Variants in ZFX observed in about 807,000 individuals in gnomAD.
ZFX encodes zinc finger protein X-linked.
For synonymous variants in ZFX, 196 were observed against 226.8 expected, an observed-to-expected ratio of 0.86 and a Z score of 1.22; for missense variants, 362 against 628.3, an observed-to-expected ratio of 0.58 and a Z score of 4.53.
At chrX:24,197,291 T>G (rs930164180) in intron 5 of ZFX, among the ~76,000 whole-genome samples, 2 of 111,350 alleles carry the variant, frequency 1.8e-5, no homozygotes, top group Non-Finnish European at 3.8e-5. Flanking sequence ...GCAACACAGA[T>G]CCCATCTCTA....
chrX:24,192,784 G>T (rs1456896652), intron 5 of ZFX, among the ~76,000 whole-genome samples: 1 of 109,377 alleles, frequency 9.1e-6, no homozygotes, highest in African/African-American at 3.3e-5. Context: ...GGTGGCACAT[G>T]CCTAGGAGGC....
intron 5 of ZFX, among the ~76,000 whole-genome samples, chrX:24,204,227 C>T (rs1195983568): frequency 1.8e-5 from 2 of 112,300 alleles, no homozygotes; most frequent in Non-Finnish European, 3.8e-5. Context: ...CATTTTCAAG[C>T]TTTTCTTTGC....
chrX:24,206,535 G>A (rs1349263424), intron 5 of ZFX, among the ~76,000 whole-genome samples: 5 of 94,372 alleles, frequency 5.3e-5, no homozygotes, highest in African/African-American at 1.9e-4. Context: ...GTGTGTGTGT[G>A]TGTGTGTGTG....
intron 5 of ZFX, among the ~76,000 whole-genome samples, chrX:24,203,897 T>C (rs1234569801): frequency 8.9e-6 from 1 of 112,415 alleles, no homozygotes. Context: ...TTATTAAAGA[T>C]TGCATTAGAG....
chrX:24,199,640 G>A (rs1031450609), intron 5 of ZFX, among the ~76,000 whole-genome samples: 7 of 111,223 alleles, frequency 6.3e-5, no homozygotes, highest in East Asian at 5.7e-4. Context: ...TTGCTTAGCC[G>A]GGCACGGTGG....
chrX:24,187,931 T>C (rs2704826), intron 5 of ZFX, among the ~76,000 whole-genome samples: 2,188 of 111,468 alleles, frequency 0.02, 24 homozygotes, highest in South Asian at 0.066. Context: ...CCCAGCACTT[T>C]GGGAGGCCGA....
chrX:24,189,506 G>A (rs1936393714), intron 5 of ZFX, among the ~76,000 whole-genome samples: 1 of 111,879 alleles, frequency 8.9e-6, no homozygotes, highest in Non-Finnish European at 1.9e-5. Context: ...GTGGTTCAGG[G>A]AGCGAATAAA....
At position 24,214,921 on chromosome X, in the gene ZFX, A is replaced by T. The variant is rs749388491; in HGVS notation, c.*3545A>T. On this transcript the variant is annotated 3_prime_UTR_variant, in exon 10 of 10. Transcript: ENST00000304543. Reference sequence around the variant, plus strand: ...TTAGAGGACTAGTAGATGCTAACATACTAGGGAATGGTCATTGCCACAGTT... The same window carrying T: ...TTAGAGGACTAGTAGATGCTAACATTCTAGGGAATGGTCATTGCCACAGTT... 3.4e-4 allele frequency: 38 copies of T among 111,765 alleles called. No individual in the cohort carries two copies. The highest frequency in any genetic ancestry group is 6.2e-4 in the Non-Finnish European group (33 of 53,205). The allele number at this position is 111,765 out of a possible 1,213,427, so 9.2% of individuals were successfully genotyped here.
intron 5 of ZFX, among the ~76,000 whole-genome samples, chrX:24,180,457 C>A (rs1468065115): frequency 9.2e-6 from 1 of 108,401 alleles, no homozygotes; most frequent in African/African-American, 3.4e-5. Flanking sequence ...TCTCAGCTCA[C>A]TGTAAACTCT....
rs777109485 is a variant in ZFX, at chrX:24,211,574, A to G, written c.*198A>G. The G allele has an allele frequency of 2.7e-4, 124 of 452,087 alleles. No homozygotes were observed. Among genetic ancestry groups the G allele is most frequent in the Admixed American group, 6.2e-4 (13 of 20,915 alleles). The allele number at this position is 452,087 out of a possible 1,213,427, so 37.3% of individuals were successfully genotyped here. A position where few individuals can be genotyped will look rare whatever the true frequency, so the allele number is the denominator to read the frequency against. ...TTCTGAATTCTATTCAGTTTGTTTA[A>G]TAAATAGGGAAAACTGGCAACATGC... On this transcript the variant is annotated 3_prime_UTR_variant, in exon 10 of 10. Coordinates refer to ENST00000304543, the MANE Select transcript of ZFX (RefSeq NM_003410.4).
At chrX:24,160,357 G>A (rs1336794397) in intron 3 of ZFX, among the ~76,000 whole-genome samples, 2 of 100,067 alleles carry the variant, frequency 2.0e-5, no homozygotes, top group African/African-American at 3.8e-5. Flanking sequence ...GGAGTGCAGT[G>A]GCGCACTCTC....
rs1213136127 is a variant in ZFX, at chrX:24,171,905, G to GGAGAGA, written c.-28-778_-28-773dup. 5.8e-3 allele frequency among the ~76,000 whole-genome samples: 244 copies of GGAGAGA among 41,912 alleles called. 2 individuals are homozygous for GGAGAGA. Among genetic ancestry groups the GGAGAGA allele is most frequent in the South Asian group, 9.9e-3 (3 of 304 alleles). 36.4% of individuals were successfully genotyped at this position (41,912 alleles called of 115,157 possible). A position where few individuals can be genotyped will look rare whatever the true frequency, so the allele number is the denominator to read the frequency against. On this transcript the variant is annotated intron_variant, in intron 3 of 9. Coordinates refer to ENST00000304543, the MANE Select transcript of ZFX (RefSeq NM_003410.4). Reference sequence around the variant, plus strand: ...TCCAGCCACCAGGACAGAGAGAGAAGGAGAGAGAGAGAGAGAGAGAGAGAG... The same window carrying GGAGAGA: ...TCCAGCCACCAGGACAGAGAGAGAAGGAGAGAGAGAGAGAGAGAGAGAGAGAGAGAG...
intron 5 of ZFX, among the ~76,000 whole-genome samples, chrX:24,191,695 C>T (rs1936536602): frequency 9.2e-6 from 1 of 108,939 alleles, no homozygotes; most frequent in African/African-American, 3.4e-5. Flanking sequence ...TTGATATCTT[C>T]ATTGGATTTT....
In ZFX at chrX:24,210,873, G is replaced by A. The variant is rs755647975; in HGVS notation, c.1915G>A (p.Asp639Asn). The A allele has an allele frequency of 3.3e-6, 4 of 1,210,654 alleles. 1 individual carries two copies. In the South Asian group the frequency reaches 7.0e-5, roughly 21 times the overall value. ...CAAAACACACCAGTGTTTGCATTGC[G>A]ACCACAAGAGTTCGAACTCAAGTGA... The part of the protein sequence containing the change: ...ESKTHQCLHC[D>N]HKSSNSSDLK... Residue 639 changes from aspartate (D) to asparagine (N), a missense_variant, in exon 10 of 10, where the codon GAC (aspartate) becomes AAC (asparagine). By Grantham distance (23) the Asp-to-Asn change is conservative (BLOSUM62 1). Transcript: ENST00000304543.
intron 3 of ZFX, among the ~76,000 whole-genome samples, chrX:24,155,179 AAG>A (rs772204063): frequency 5.7e-4 from 64 of 112,221 alleles, no homozygotes; most frequent in African/African-American, 1.9e-3. Flanking sequence ...TAAAGAAAAA[AAG>A]TATTTTTATG....
intron 4 of ZFX, among the ~76,000 whole-genome samples, chrX:24,173,240 T>G (rs1365064199): frequency 8.9e-6 from 1 of 112,003 alleles, no homozygotes; most frequent in Non-Finnish European, 1.9e-5. Context: ...GGAAATAACT[T>G]TTGCATTATT....
At chrX:24,176,819 G>C (rs1042569542) in intron 4 of ZFX, among the ~76,000 whole-genome samples, 1 of 111,799 alleles carries the variant, frequency 8.9e-6, no homozygotes, top group Non-Finnish European at 1.9e-5. Context: ...CACCTGGTTG[G>C]ACTCAGCCTG....
chrX:24,194,027 G>A (rs995741123), intron 5 of ZFX, among the ~76,000 whole-genome samples: 2 of 111,025 alleles, frequency 1.8e-5, no homozygotes, highest in Admixed American at 1.9e-4. Context: ...TTAGGAATTC[G>A]ACTACCCTAG....
chrX:24,203,049 CTTAAG>C (rs1937402320), intron 5 of ZFX, among the ~76,000 whole-genome samples: 1 of 111,836 alleles, frequency 8.9e-6, no homozygotes, highest in East Asian at 2.8e-4. Context: ...TTCTTAGGAC[CTTAAG>C]TTAATCAAAC....
Sources: gnomAD v4.1 joint callset for allele counts (sites outside exome capture counted in the v4.1 genomes callset) on GRCh38, gnomAD v4.1.1 for gene constraint, MANE v1.5 for transcripts, NCBI Gene and HGNC (gene_info 2026-07-23, HGNC 2026-07-21) for gene names.